Variants in UBE4B observed in about 807,000 individuals in gnomAD.
UBE4B encodes ubiquitin conjugation factor E4 B.
UBE4B carries 27 observed loss-of-function variants against 148.1 expected under a neutral mutation model. The ratio of observed to expected loss-of-function variants is 0.18; its 90% confidence interval spans 0.13 to 0.25. The LOEUF (loss-of-function observed/expected upper bound fraction) is 0.25. Among genes scored for constraint, UBE4B ranks in the 10% least tolerant of loss-of-function variants. UBE4B has a pLI of 1.00. For missense variants in UBE4B, 1,170 were observed against 1,662.4 expected, an observed-to-expected ratio of 0.70 and a Z score of 5.15; for synonymous variants, 596 against 619.3, an observed-to-expected ratio of 0.96 and a Z score of 0.56.
At chr1:10,152,932 C>T (rs995104657) in intron 21 of UBE4B, among the ~76,000 whole-genome samples, 1 of 151,540 alleles carries the variant, frequency 6.6e-6, no homozygotes, top group Non-Finnish European at 1.5e-5. Flanking sequence ...AGGGCTTGGA[C>T]GGAGCTAGGA....
chr1:10,170,897 T>G (rs769997867), intron 24 of UBE4B: 7 of 347,058 alleles, frequency 2.0e-5, no homozygotes, highest in Non-Finnish European at 3.6e-5. Context: ...CTTTTGGTAT[T>G]TATAAATAAA....
rs1643372699 is a variant in UBE4B at position 10,033,366 on chromosome 1, G to A, written c.-305G>A. ...ACCGCGCTGCCTAGCTGGGTAACCT[G>A]GGAAGCAGAGGGTAATAAGTGGCGC... On this transcript the variant is annotated 5_prime_UTR_variant, in exon 1 of 28. Coordinates refer to ENST00000343090, the MANE Select transcript of UBE4B (RefSeq NM_001105562.3). 1 of 287,218 alleles carries A rather than the reference G, an allele frequency of 3.5e-6. No individual in the cohort carries two copies. Among genetic ancestry groups the A allele is most frequent in the Admixed American group, 5.3e-5 (1 of 19,032 alleles). 17.8% of individuals were successfully genotyped at this position (287,218 alleles called of 1,614,324 possible).
intron 12 of UBE4B, 99 bp from the exon 13 acceptor site, chr1:10,130,401 A>C: frequency 9.6e-7 from 1 of 1,038,564 alleles, no homozygotes; most frequent in Non-Finnish European, 1.5e-6. Flanking sequence ...AGTTTTAATA[A>C]TATCTTGTGA....
At chr1:10,080,470 T>C (rs1056471532) in intron 2 of UBE4B, among the ~76,000 whole-genome samples, 6 of 150,982 alleles carry the variant, frequency 4.0e-5, no homozygotes, top group African/African-American at 1.5e-4. Context: ...GGTGAGAGTG[T>C]AAATTTATAT....
rs150598117 is a variant in UBE4B at position 10,157,639 on chromosome 1, G to A, written c.2927-717G>A. Among the ~76,000 whole-genome samples, 161 of 152,116 alleles carry A rather than the reference G, an allele frequency of 1.1e-3. 1 individual carries two copies. Among genetic ancestry groups the A allele is most frequent in the Non-Finnish European group, 1.7e-3 (116 of 68,004 alleles). ...CTAAAAATACAAAAATTAGCAGGGC[G>A]TGGTGGCGCATGTCTATAGTCCCAG... On this transcript the variant is annotated intron_variant, in intron 21 of 27. Transcript: ENST00000343090.
chr1:10,053,737 G>A (rs1430372534), intron 1 of UBE4B, among the ~76,000 whole-genome samples: 1 of 152,108 alleles, frequency 6.6e-6, no homozygotes, highest in Non-Finnish European at 1.5e-5. Flanking sequence ...CTAGAGTGCA[G>A]GAGTGCAGTG....
chr1:10,089,303 C>T (rs1644811768), intron 2 of UBE4B, among the ~76,000 whole-genome samples: 1 of 151,960 alleles, frequency 6.6e-6, no homozygotes, highest in South Asian at 2.1e-4. Context: ...CCGTGCTCAG[C>T]CAAGAACAAA....
intron 21 of UBE4B, among the ~76,000 whole-genome samples, chr1:10,153,432 G>A (rs1223986938): frequency 7.1e-6 from 1 of 141,494 alleles, no homozygotes; most frequent in Non-Finnish European, 1.5e-5. Context: ...CAAGGCTGCA[G>A]TGAGCTATGA....
At chr1:10,033,925 T>G (rs1042233397) in intron 1 of UBE4B, among the ~76,000 whole-genome samples, 2 of 152,202 alleles carry the variant, frequency 1.3e-5, no homozygotes, top group African/African-American at 4.8e-5. Flanking sequence ...AGTGTTCTTT[T>G]AGGGTATGAA....
rs922428278 is a variant in UBE4B at position 10,144,119 on chromosome 1, G to T, written c.2364-821G>T. Among the ~76,000 whole-genome samples, 4 of 152,186 alleles carry T rather than the reference G, an allele frequency of 2.6e-5. No homozygotes were observed. In the East Asian group the frequency reaches 7.7e-4, roughly 29 times the overall value. On this transcript the variant is annotated intron_variant, in intron 17 of 27. Coordinates refer to ENST00000343090, the MANE Select transcript of UBE4B (RefSeq NM_001105562.3). ...AAAATATGCAGCCTATTAGGTGATG[G>T]GGAAGCCTTTTACTGCAGAGACAGA...
intron 8 of UBE4B, among the ~76,000 whole-genome samples, chr1:10,118,035 T>C (rs1321326702): frequency 6.6e-6 from 1 of 152,220 alleles, no homozygotes; most frequent in Non-Finnish European, 1.5e-5. Context: ...ATAGGCATTC[T>C]TTTTTCAACG....
At chr1:10,085,289 C>T (rs1408299097) in intron 2 of UBE4B, among the ~76,000 whole-genome samples, 1 of 152,214 alleles carries the variant, frequency 6.6e-6, no homozygotes, top group Non-Finnish European at 1.5e-5. Context: ...TCTCCTTCTC[C>T]TAGTGACAGG....
Position 10,122,080 on chromosome 1 carries a change from C to T in UBE4B, c.1554+4C>T, listed in dbSNP as rs748631901. ...GGATGAAGAAGTGTTCAAGCAGGTACGGTCGTATGAGTTTGCTCTTGCAAA... is the reference window on the plus strand; with the variant it reads ...GGATGAAGAAGTGTTCAAGCAGGTATGGTCGTATGAGTTTGCTCTTGCAAA... On this transcript the variant is annotated splice_donor_region_variant and intron_variant, in intron 10 of 27. Transcript: ENST00000343090. The T allele has an allele frequency of 8.1e-6, 13 of 1,599,374 alleles. No individual in the cohort carries two copies. The highest frequency in any genetic ancestry group is 4.0e-5 in the African/African-American group (3 of 74,430).
chr1:10,173,097 A>T (rs1471468976), intron 25 of UBE4B, among the ~76,000 whole-genome samples: 1 of 152,236 alleles, frequency 6.6e-6, no homozygotes, highest in Non-Finnish European at 1.5e-5. Context: ...TCAGAGCGAC[A>T]CATGACTGTG....
chr1:10,100,191 A>T (rs548632715), intron 3 of UBE4B, among the ~76,000 whole-genome samples: 3 of 151,874 alleles, frequency 2.0e-5, no homozygotes, highest in Non-Finnish European at 4.4e-5. Flanking sequence ...GGGTTTCACC[A>T]TGTTAGCCAG....
chr1:10,177,505 A>C (rs905306224), intron 25 of UBE4B, among the ~76,000 whole-genome samples: 1 of 152,072 alleles, frequency 6.6e-6, no homozygotes, highest in Non-Finnish European at 1.5e-5. Flanking sequence ...TTAAAATTAA[A>C]ATTAACTGGG....
At position 10,147,068 on chromosome 1, in the gene UBE4B, A is replaced by G; in HGVS notation, c.2569A>G (p.Ile857Val). The G allele has an allele frequency of 6.2e-7, 1 of 1,614,136 alleles. No homozygotes were observed. The highest frequency in any genetic ancestry group is 8.5e-7 in the Non-Finnish European group (1 of 1,180,030). The part of the protein sequence containing the change: ...YGLLIQLLLR[I>V]LDPAYPDITL... ...CCTTCTCATTCAGCTGCTGCTCCGCATCCTGGACCCCGCATATCCCGAGTG... is the reference window on the plus strand; with the variant it reads ...CCTTCTCATTCAGCTGCTGCTCCGCGTCCTGGACCCCGCATATCCCGAGTG... The change falls in exon 19 of 28, where the codon ATC (isoleucine) becomes GTC (valine). Residue 857 changes from isoleucine to valine, a missense_variant. Ile to Val is a conservative substitution (Grantham distance 29). Transcript: ENST00000343090.
intron 10 of UBE4B, 68 bp downstream of exon 10, chr1:10,122,144 AC>A: frequency 9.2e-7 from 1 of 1,092,422 alleles, no homozygotes; most frequent in Non-Finnish European, 1.3e-6. Context: ...CTAATTTCTG[AC>A]CATTGAAAAC....
intron 21 of UBE4B, among the ~76,000 whole-genome samples, chr1:10,155,067 G>A (rs1646045343): frequency 2.8e-5 from 4 of 144,320 alleles, no homozygotes; most frequent in Admixed American, 2.0e-4. Context: ...GGCTTCAGGA[G>A]AGAGAGAGAG....
Sources: allele counts gnomAD v4.1 joint callset (sites outside exome capture counted in the v4.1 genomes callset), GRCh38; gene constraint gnomAD v4.1.1; transcripts MANE v1.5; gene names NCBI Gene and HGNC (gene_info 2026-07-23, HGNC 2026-07-21).